The following LOC128462377 variants were observed in gnomAD, a reference collection of about 807,000 sequenced individuals.
chr16:89,340,886 A>G, the LOC128462377 span, among the ~76,000 whole-genome samples: 1 of 152,162 alleles, frequency 6.6e-6, no homozygotes, highest in Admixed American at 6.5e-5. Flanking sequence ...TCCAGACCTG[A>G]AAAACGTTTA....
the LOC128462377 span, among the ~76,000 whole-genome samples, chr16:89,358,770 T>C: frequency 4.6e-5 from 7 of 152,028 alleles, no homozygotes; most frequent in African/African-American, 1.7e-4. Flanking sequence ...TGCAAACCAC[T>C]TCCCCTGTGC....
At chr16:89,344,049 G>A in the LOC128462377 span, among the ~76,000 whole-genome samples, 9 of 152,220 alleles carry the variant, frequency 5.9e-5, no homozygotes, top group East Asian at 5.8e-4. Flanking sequence ...GCCCGGCCCC[G>A]CCCCTCCTGC....
At chr16:89,416,432 G>A in the LOC128462377 span, among the ~76,000 whole-genome samples, 1 of 152,014 alleles carries the variant, frequency 6.6e-6, no homozygotes, top group Non-Finnish European at 1.5e-5. Context: ...CCAACTAGCT[G>A]GGATCACAGG....
the LOC128462377 span, among the ~76,000 whole-genome samples, chr16:89,340,603 T>C: frequency 6.6e-6 from 1 of 152,366 alleles, no homozygotes; most frequent in South Asian, 2.1e-4. Context: ...CAAGAGATCT[T>C]GGTTAGACAA....
At chr16:89,369,385 C>A in the LOC128462377 span, among the ~76,000 whole-genome samples, 6 of 152,206 alleles carry the variant, frequency 3.9e-5, no homozygotes, top group African/African-American at 1.4e-4. Flanking sequence ...CCCGCATGAC[C>A]CTGCCACAGG....
chr16:89,383,497 CA>C, the LOC128462377 span, among the ~76,000 whole-genome samples: 2 of 152,242 alleles, frequency 1.3e-5, no homozygotes, highest in Non-Finnish European at 2.9e-5. Context: ...ACCTCGGGGC[CA>C]TGTCCAGTGG....
chr16:89,317,061 TTCA>T, the LOC128462377 span: 2 of 1,587,604 alleles, frequency 1.3e-6, no homozygotes, highest in Non-Finnish European at 1.7e-6. Flanking sequence ...CGGCCGGCGC[TTCA>T]TCATCAACCG....
the LOC128462377 span, among the ~76,000 whole-genome samples, chr16:89,344,491 T>C: frequency 1.3e-5 from 2 of 152,012 alleles, no homozygotes; most frequent in Non-Finnish European, 2.9e-5. Flanking sequence ...TGACACAGAT[T>C]TTACCCTCTT....
the LOC128462377 span, among the ~76,000 whole-genome samples, chr16:89,349,346 GGCGGGC>G: frequency 1.3e-5 from 2 of 150,626 alleles, no homozygotes; most frequent in Non-Finnish European, 3.0e-5. Context: ...CGGGCGTGGT[GGCGGGC>G]GCCTGTAGTC....
the LOC128462377 span, among the ~76,000 whole-genome samples, chr16:89,342,490 C>T: frequency 6.6e-6 from 1 of 152,224 alleles, no homozygotes; most frequent in Non-Finnish European, 1.5e-5. Flanking sequence ...TGAGGAGGAA[C>T]GGGCAGGGAG....
chr16:89,394,902 C>T, the LOC128462377 span, among the ~76,000 whole-genome samples: 1 of 152,154 alleles, frequency 6.6e-6, no homozygotes, highest in East Asian at 1.9e-4. Flanking sequence ...AAGCCTAAAG[C>T]TTTGTTTGCA....
At chr16:89,390,921 G>A in the LOC128462377 span, among the ~76,000 whole-genome samples, 1 of 152,150 alleles carries the variant, frequency 6.6e-6, no homozygotes, top group African/African-American at 2.4e-5. Flanking sequence ...ATTTGTGTGA[G>A]CCACTCTCAT....
chr16:89,318,373 T>C, the LOC128462377 span, among the ~76,000 whole-genome samples: 1 of 152,184 alleles, frequency 6.6e-6, no homozygotes, highest in Non-Finnish European at 1.5e-5. Flanking sequence ...CCCCATCATG[T>C]CCTCGCCGCA....
chr16:89,388,922 T>C, the LOC128462377 span, among the ~76,000 whole-genome samples: 1 of 152,220 alleles, frequency 6.6e-6, no homozygotes, highest in African/African-American at 2.4e-5. Flanking sequence ...AGGAACTATG[T>C]GGATCCCAGA....
At chr16:89,410,862 G>A in the LOC128462377 span, among the ~76,000 whole-genome samples, 1 of 152,030 alleles carries the variant, frequency 6.6e-6, no homozygotes. Flanking sequence ...GGGCAAGACA[G>A]AAACCACATG....
the LOC128462377 span, among the ~76,000 whole-genome samples, chr16:89,319,253 C>A: frequency 2.0e-5 from 3 of 152,194 alleles, no homozygotes; most frequent in African/African-American, 7.2e-5. Context: ...TGGGCCCCGA[C>A]AGTGCGGGGC....
chr16:89,386,983 G>A, the LOC128462377 span, among the ~76,000 whole-genome samples: 1 of 151,970 alleles, frequency 6.6e-6, no homozygotes, highest in Non-Finnish European at 1.5e-5. Flanking sequence ...GCCCCACCCT[G>A]GGAGCCCTGT....
At chr16:89,412,513 A>C in the LOC128462377 span, 1 of 152,324 alleles carries the variant, frequency 6.6e-6, no homozygotes, top group African/African-American at 2.4e-5. Context: ...GCAATGATGT[A>C]TTAAGACACG....
the LOC128462377 span, among the ~76,000 whole-genome samples, chr16:89,354,511 C>T: frequency 6.6e-6 from 1 of 152,204 alleles, no homozygotes; most frequent in African/African-American, 2.4e-5. Context: ...GTGCCCAGCA[C>T]CTGCTCTTGA....
Sources: allele counts gnomAD v4.1 joint callset (sites outside exome capture counted in the v4.1 genomes callset), GRCh38; gene constraint gnomAD v4.1.1; transcripts MANE v1.5.